Variants in CCDC28A observed in about 807,000 individuals in gnomAD.
The protein encoded by CCDC28A is coiled-coil domain containing 28A.
CCDC28A carries 24 observed loss-of-function variants against 22.1 expected under a neutral mutation model. The ratio of observed to expected loss-of-function variants is 1.09; its 90% CI spans 0.79 to 1.53. The LOEUF is 1.53. Ranked by LOEUF, CCDC28A falls within the 40% of genes most tolerant of loss-of-function variation. CCDC28A has a pLI of 0.00. For synonymous variants in CCDC28A, 83 were observed against 74.7 expected (o/e 1.11, Z -0.57); for missense variants, 170 against 210.7 (o/e 0.81, Z 1.20).
Position 138,792,899 on chromosome 6 carries a change from G to A in CCDC28A, c.*96G>A, listed in dbSNP as rs2128363812. 1 of 776,420 alleles carries A rather than the reference G, an allele frequency of 1.3e-6. No homozygotes were observed. The highest frequency in any genetic ancestry group is 2.3e-5 in the Admixed American group (1 of 43,672). 48.1% of individuals were successfully genotyped at this position (776,420 alleles called of 1,614,324 possible). On this transcript the variant is annotated 3_prime_UTR_variant, in exon 6 of 6. Transcript: ENST00000617445. ...TAGCAGAATCATCTTCCACAACAAG[G>A]AATTAAAGTAATTAAAGTGCAAGTT... is the stretch of plus-strand genomic sequence containing the variant.
Position 138,779,934 on chromosome 6 carries a change from G to A in CCDC28A, c.271G>A (p.Gly91Arg). The A allele has an allele frequency of 1.2e-6, 2 of 1,613,734 alleles. No individual in the cohort carries two copies. The highest frequency in any genetic ancestry group is 1.7e-6 in the Non-Finnish European group (2 of 1,179,788). The change falls in exon 3 of 6, where the codon GGG becomes AGG. Residue 91 changes from glycine (G) to arginine (R), a missense_variant. Transcript: ENST00000617445. ...CTCAGATGTTCAGGAGATGGAGAGA[G>A]GGCTGCTCAGTCTTTTGAATGATTT... ...DVSDVQEMERGLLSLLNDFHS... is the reference protein window; with the variant it reads ...DVSDVQEMERRLLSLLNDFHS...
At chr6:138,789,840 T>C (rs182121069) in intron 5 of CCDC28A, among the ~76,000 whole-genome samples, 1 of 152,290 alleles carries the variant, frequency 6.6e-6, no homozygotes, top group East Asian at 1.9e-4. Context: ...GTAATGGCGA[T>C]TAATAGCTAA....
At chr6:138,776,704 A>C (rs1448711097) in intron 2 of CCDC28A, among the ~76,000 whole-genome samples, 1 of 151,772 alleles carries the variant, frequency 6.6e-6, no homozygotes, top group East Asian at 1.9e-4. Flanking sequence ...ATATTTTTAA[A>C]TATGGGGTCT....
At chr6:138,792,558 CAA>C (rs1562442094) in intron 5 of CCDC28A, among the ~76,000 whole-genome samples, 189 bp from the exon 6 acceptor site, 1 of 151,718 alleles carries the variant, frequency 6.6e-6, no homozygotes, top group African/African-American at 2.4e-5. Flanking sequence ...AAATTCTAGA[CAA>C]GAGTATAATT....
In CCDC28A at chr6:138,793,289, A is replaced by G. The variant is rs1192056617; in HGVS notation, c.*486A>G. On this transcript the variant is annotated 3_prime_UTR_variant, in exon 6 of 6. Transcript: ENST00000617445. ...TAAATAAGTATTTGTGAGATTTGCT[A>G]TTTTTTAATAAAGTAATTGTTTTAA... 6.5e-6 allele frequency: 1 copy of G among 153,756 alleles called. No homozygotes were observed. Among genetic ancestry groups the G allele is most frequent in the African/African-American group, 2.4e-5 (1 of 41,450 alleles). 9.5% of individuals were successfully genotyped at this position (153,756 alleles called of 1,614,324 possible). A position where few individuals can be genotyped will look rare whatever the true frequency, so the allele number is the denominator to read the frequency against.
At chr6:138,777,332 C>A (rs896961640) in intron 2 of CCDC28A, among the ~76,000 whole-genome samples, 1 of 152,060 alleles carries the variant, frequency 6.6e-6, no homozygotes, top group South Asian at 2.1e-4. Flanking sequence ...CCAATGAGTA[C>A]CAAATGATAA....
rs1208560418 is a variant in CCDC28A at position 138,792,979 on chromosome 6, A to G, written c.*176A>G. On this transcript the variant is annotated 3_prime_UTR_variant, in exon 6 of 6. Transcript: ENST00000617445. ...TAAATGTGACTCGCTGTAATTCACC[A>G]TAACTGGAGGCCTAGGCCTTGTTGA... 57 of 580,046 alleles carry G rather than the reference A, an allele frequency of 9.8e-5. No individual in the cohort carries two copies. The highest frequency in any genetic ancestry group is 1.7e-4 in the Non-Finnish European group (56 of 323,260). 35.9% of individuals were successfully genotyped at this position (580,046 alleles called of 1,614,324 possible).
intron 3 of CCDC28A, 22 bp from the exon 4 acceptor site, chr6:138,785,205 A>G (rs1775073769): frequency 6.3e-7 from 1 of 1,593,304 alleles, no homozygotes; most frequent in African/African-American, 1.3e-5. Context: ...AATCATTATT[A>G]ATGTTCTGGA....
intron 1 of CCDC28A, among the ~76,000 whole-genome samples, chr6:138,775,609 G>C (rs1445218357): frequency 6.6e-6 from 1 of 152,178 alleles, no homozygotes; most frequent in African/African-American, 2.4e-5. Context: ...TTATACATCT[G>C]TTTGAATCTA....
intron 1 of CCDC28A, among the ~76,000 whole-genome samples, chr6:138,775,115 A>G (rs1225653886): frequency 1.3e-5 from 2 of 152,088 alleles, no homozygotes; most frequent in Non-Finnish European, 2.9e-5. Context: ...AATTTTTTGT[A>G]TTTTTAGTAG....
At chr6:138,782,746 G>A (rs574219659) in intron 3 of CCDC28A, among the ~76,000 whole-genome samples, 2 of 152,266 alleles carry the variant, frequency 1.3e-5, no homozygotes, top group East Asian at 1.9e-4. Context: ...AAGAAAGGAC[G>A]ATTTTGAGAG....
intron 3 of CCDC28A, 74 bp downstream of exon 3, chr6:138,780,059 CTTCTT>C: frequency 8.9e-7 from 1 of 1,127,654 alleles, no homozygotes; most frequent in African/African-American, 1.6e-5. Flanking sequence ...GTATTTTACT[CTTCTT>C]TTCAAAGTGC....
chr6:138,781,189 T>C (rs1775016068), intron 3 of CCDC28A, among the ~76,000 whole-genome samples: 1 of 152,246 alleles, frequency 6.6e-6, no homozygotes. Context: ...CTTGCTTTCC[T>C]GCACTAAAGA....
chr6:138,784,334 G>T (rs1398606031), intron 3 of CCDC28A, among the ~76,000 whole-genome samples: 1 of 146,660 alleles, frequency 6.8e-6, no homozygotes, highest in South Asian at 2.2e-4. Context: ...CTTAAGGGAC[G>T]ATTTTCTTTT....
At chr6:138,778,960 G>A (rs887225657) in intron 2 of CCDC28A, among the ~76,000 whole-genome samples, 2 of 152,080 alleles carry the variant, frequency 1.3e-5, no homozygotes, top group Non-Finnish European at 2.9e-5. Flanking sequence ...TAGAGACAGG[G>A]TTTTGCCATG....
intron 1 of CCDC28A, 115 bp downstream of exon 1, chr6:138,774,017 AGGG>A: frequency 4.7e-6 from 6 of 1,264,938 alleles, no homozygotes; most frequent in Non-Finnish European, 5.5e-6. Flanking sequence ...AGATTGGGGA[AGGG>A]GAATGAGGTG....
chr6:138,791,282 A>G (rs913458550), intron 5 of CCDC28A, among the ~76,000 whole-genome samples: 1 of 151,342 alleles, frequency 6.6e-6, no homozygotes, highest in Non-Finnish European at 1.5e-5. Context: ...GGGTCTTGCT[A>G]TGTTGCCCAG....
intron 1 of CCDC28A, 77 bp downstream of exon 1, chr6:138,773,979 C>T (rs1774885620): frequency 7.1e-6 from 11 of 1,547,580 alleles, no homozygotes; most frequent in Non-Finnish European, 9.7e-6. Context: ...CTGCTGGGTA[C>T]TGGGCGGTGA....
At chr6:138,780,917 T>G (rs944478197) in intron 3 of CCDC28A, among the ~76,000 whole-genome samples, 1 of 152,202 alleles carries the variant, frequency 6.6e-6, no homozygotes. Context: ...ATGCATAATC[T>G]TTTTAAAAAA....
Sources: gnomAD v4.1 joint callset for allele counts (sites outside exome capture counted in the v4.1 genomes callset) on GRCh38, gnomAD v4.1.1 for gene constraint, MANE v1.5 for transcripts, NCBI Gene and HGNC (gene_info 2026-07-23, HGNC 2026-07-21) for gene names.